The following PCMT1 variants were observed in gnomAD, a reference collection of about 807,000 sequenced individuals.
PCMT1 encodes protein-L-isoaspartate(D-aspartate) O-methyltransferase.
Under a neutral mutation model 29.2 loss-of-function variants are expected in PCMT1, and 9 were observed. The ratio of observed to expected loss-of-function variants is 0.31; its 90% CI spans 0.19 to 0.54. PCMT1 has a LOEUF of 0.54. Among genes scored for constraint, PCMT1 ranks in the 20% least tolerant of loss-of-function variants. The pLI, the probability that PCMT1 is intolerant of heterozygous loss-of-function variation, is 0.95. For synonymous variants in PCMT1, 98 were observed against 97.5 expected, an observed-to-expected ratio of 1.00 and a Z score of -0.03; for missense variants, 184 against 282.2, an observed-to-expected ratio of 0.65 and a Z score of 2.49.
chr6:149,805,403 G>A (rs578094601), intron 7 of PCMT1, among the ~76,000 whole-genome samples: 1 of 142,724 alleles, frequency 7.0e-6, no homozygotes, highest in South Asian at 2.3e-4. Flanking sequence ...ACCATCCTGG[G>A]TAACATGGCG....
chr6:149,803,797 G>GAA (rs35832236), intron 7 of PCMT1, among the ~76,000 whole-genome samples: 4 of 109,892 alleles, frequency 3.6e-5, no homozygotes, highest in Non-Finnish European at 3.9e-5. Context: ...ACAGCCACTG[G>GAA]AAAAAAAAAA....
At chr6:149,798,226 T>C (rs1221677617) in intron 6 of PCMT1, 1 of 151,668 alleles carries the variant, frequency 6.6e-6, no homozygotes, top group Non-Finnish European at 1.5e-5. Flanking sequence ...ACTGAAGTAT[T>C]AATATAATGT....
chr6:149,758,192 T>TTTTTTG (rs142697234), intron 1 of PCMT1, among the ~76,000 whole-genome samples: 1 of 101,740 alleles, frequency 9.8e-6, no homozygotes, highest in Non-Finnish European at 1.8e-5. Flanking sequence ...CCAATTTTTT[T>TTTTTTG]TTTCTTTCTT....
chr6:149,805,077 A>C (rs1775966628), intron 7 of PCMT1, among the ~76,000 whole-genome samples: 1 of 152,124 alleles, frequency 6.6e-6, no homozygotes, highest in South Asian at 2.1e-4. Context: ...CCTCGTATCT[A>C]CTAAAAATTT....
chr6:149,762,153 T>C (rs1195117410), intron 1 of PCMT1, among the ~76,000 whole-genome samples: 2 of 152,116 alleles, frequency 1.3e-5, no homozygotes, highest in Non-Finnish European at 2.9e-5. Context: ...ACGCTTCAAG[T>C]TGGGAAAAGA....
chr6:149,775,670 T>C (rs960022419), intron 3 of PCMT1, among the ~76,000 whole-genome samples: 1 of 152,190 alleles, frequency 6.6e-6, no homozygotes, highest in South Asian at 2.1e-4. Flanking sequence ...ATTGTGCTAC[T>C]GCACTCCAGC....
intron 1 of PCMT1, among the ~76,000 whole-genome samples, chr6:149,770,870 G>A (rs1307045235): frequency 6.6e-6 from 1 of 151,354 alleles, no homozygotes; most frequent in Non-Finnish European, 1.5e-5. Flanking sequence ...GTGGTGGCGG[G>A]CACCTGTAGT....
chr6:149,789,049 T>C (rs982056105), intron 3 of PCMT1, among the ~76,000 whole-genome samples: 1 of 151,744 alleles, frequency 6.6e-6, no homozygotes, highest in East Asian at 1.9e-4. Context: ...TAAATGTGTT[T>C]ACTGCTATTG....
rs372773939 is a variant in PCMT1 at position 149,769,308 on chromosome 6, C to CTTTTTTTTTTTTT, written c.56-1842_56-1830dup. Among the ~76,000 whole-genome samples the CTTTTTTTTTTTTT allele has an allele frequency of 5.4e-3, 385 of 71,498 alleles. 107 individuals are homozygous for CTTTTTTTTTTTTT. The highest frequency in any genetic ancestry group is 0.034 in the East Asian group (39 of 1,148). The allele number at this position is 71,498 out of a possible 152,430, so 46.9% of individuals were successfully genotyped here. A position where few individuals can be genotyped will look rare whatever the true frequency, so the allele number is the denominator to read the frequency against. ...AGTTAGCACCTATTTGTGCAGGATT[C>CTTTTTTTTTTTTT]TTTTTTTTTTTTTTTTTTTTTTTTG... On this transcript the variant is annotated intron_variant, in intron 1 of 7. Coordinates refer to ENST00000464889, the MANE Select transcript of PCMT1 (RefSeq NM_001360452.2).
intron 1 of PCMT1, among the ~76,000 whole-genome samples, chr6:149,757,024 A>G (rs1284327319): frequency 6.6e-6 from 1 of 151,984 alleles, no homozygotes; most frequent in Non-Finnish European, 1.5e-5. Context: ...GCATGGTGAC[A>G]GGAGCCTATA....
intron 3 of PCMT1, among the ~76,000 whole-genome samples, chr6:149,787,321 AGGGAGC>A (rs1029052408): frequency 4.3e-5 from 6 of 138,026 alleles, no homozygotes; most frequent in African/African-American, 1.6e-4. Context: ...GGAGAGGGAG[AGGGAGC>A]GGGAGCGGGA....
intron 5 of PCMT1, chr6:149,794,892 G>A (rs1334695205): frequency 2.1e-6 from 1 of 477,892 alleles, no homozygotes; most frequent in African/African-American, 2.0e-5. Context: ...CTCACTTCTT[G>A]TATTAGAAAC....
intron 1 of PCMT1, among the ~76,000 whole-genome samples, chr6:149,751,328 A>AT (rs886207863): frequency 1.3e-5 from 2 of 151,624 alleles, no homozygotes; most frequent in African/African-American, 4.8e-5. Context: ...CAAAAAAAAA[A>AT]TTTTTTTTTG....
Position 149,802,461 on chromosome 6 carries a change from T to C in PCMT1, c.*37+45T>C, listed in dbSNP as rs1239685064. ...AAGACATTAGACTACAAGAGCTGTT[T>C]TTGGTTGTCACCTTTATGCTCCTCC... On this transcript the variant is annotated intron_variant, in intron 7 of 7. Coordinates refer to ENST00000464889, the MANE Select transcript of PCMT1 (RefSeq NM_001360452.2). 3 of 1,430,768 alleles carry C rather than the reference T, an allele frequency of 2.1e-6. No homozygotes were observed. In the East Asian group the frequency reaches 7.3e-5, roughly 35 times the overall value. The allele number at this position is 1,430,768 out of a possible 1,614,324, so 88.6% of individuals were successfully genotyped here.
chr6:149,752,590 T>G (rs927229578), intron 1 of PCMT1, among the ~76,000 whole-genome samples: 1 of 152,222 alleles, frequency 6.6e-6, no homozygotes, highest in South Asian at 2.1e-4. Context: ...AACAGTAGTA[T>G]GAAGTATGAT....
intron 1 of PCMT1, among the ~76,000 whole-genome samples, chr6:149,763,452 CAG>C (rs1786947742): frequency 6.6e-6 from 1 of 151,644 alleles, no homozygotes; most frequent in Non-Finnish European, 1.5e-5. Flanking sequence ...GGAAACCACC[CAG>C]TAATGCCTAA....
At chr6:149,787,203 A>G (rs368491909) in intron 3 of PCMT1, among the ~76,000 whole-genome samples, 3 of 142,124 alleles carry the variant, frequency 2.1e-5, no homozygotes, top group East Asian at 2.3e-4. Flanking sequence ...AGGCAGGGAG[A>G]TTGCAGTGAG....
chr6:149,758,192 T>TTTTTC (rs142697234), intron 1 of PCMT1, among the ~76,000 whole-genome samples: 31 of 101,716 alleles, frequency 3.0e-4, no homozygotes, highest in African/African-American at 1.1e-3. Context: ...CCAATTTTTT[T>TTTTTC]TTTCTTTCTT....
intron 4 of PCMT1, among the ~76,000 whole-genome samples, chr6:149,791,027 G>A (rs138570700): frequency 7.4e-4 from 113 of 152,118 alleles, no homozygotes; most frequent in African/African-American, 2.1e-3. Flanking sequence ...CAGTGTGGGG[G>A]GTGGGCTTAG....
Sources: gnomAD v4.1 joint callset for allele counts (sites outside exome capture counted in the v4.1 genomes callset) on GRCh38, gnomAD v4.1.1 for gene constraint, MANE v1.5 for transcripts, NCBI Gene and HGNC (gene_info 2026-07-23, HGNC 2026-07-21) for gene names.